The following TRPM6 variants were observed in gnomAD, a reference collection of about 807,000 sequenced individuals.
TRPM6 encodes the protein transient receptor potential cation channel subfamily M member 6.
Under a neutral mutation model 247.6 loss-of-function variants are expected in TRPM6, and 111 were observed. The ratio of observed to expected loss-of-function variants is 0.45; its 90% CI spans 0.38 to 0.52. TRPM6 has a LOEUF of 0.52. Among genes scored for constraint, TRPM6 ranks in the 20% least tolerant of loss-of-function variants. TRPM6 has a pLI of 0.00. For synonymous variants in TRPM6, 892 were observed against 853.8 expected (o/e 1.04, Z -0.78); for missense variants, 2,126 against 2,421.5 (o/e 0.88, Z 2.56).
chr9:74,887,782 C>A (rs1564068163), intron 1 of TRPM6, 42 bp downstream of exon 1: 1 of 1,614,166 alleles, frequency 6.2e-7, no homozygotes, highest in East Asian at 2.2e-5. Flanking sequence ...AGCGAATCGC[C>A]TAAGGTCCTT....
chr9:74,766,766 C>T (rs1053594255), intron 25 of TRPM6, among the ~76,000 whole-genome samples: 32 of 151,962 alleles, frequency 2.1e-4, no homozygotes, highest in African/African-American at 5.8e-4. Flanking sequence ...AAAAAATAGC[C>T]GGGCGTGGTG....
At chr9:74,848,050 G>C (rs1469228122) in intron 3 of TRPM6, among the ~76,000 whole-genome samples, 1 of 152,112 alleles carries the variant, frequency 6.6e-6, no homozygotes, top group East Asian at 1.9e-4. Context: ...TTATGGCCCT[G>C]TGGCCATAAT....
intron 1 of TRPM6, among the ~76,000 whole-genome samples, chr9:74,860,479 C>T (rs1830662120): frequency 1.3e-5 from 2 of 152,116 alleles, no homozygotes; most frequent in African/African-American, 4.8e-5. Flanking sequence ...CTGCCTCAGC[C>T]TCCTGAGTAG....
At position 74,800,413 on chromosome 9, in the gene TRPM6, C is replaced by A; in HGVS notation, c.2079G>T (p.Thr693=). 1 of 1,613,996 alleles carries A rather than the reference C, an allele frequency of 6.2e-7. No individual in the cohort carries two copies. ...AFKQNERMAM[T]LLTYELRNWS... is the part of the protein sequence containing the mutation. ...AGTTCCTGAGTTCATACGTCAACAGCGTCATGGCCATGCGCTCATTCTGCT... is the reference window on the plus strand; with the variant it reads ...AGTTCCTGAGTTCATACGTCAACAGAGTCATGGCCATGCGCTCATTCTGCT... The change falls in exon 17 of 39, where the codon ACG becomes ACT. Residue 693 remains threonine (T), a synonymous_variant. Coordinates refer to ENST00000360774, the MANE Select transcript of TRPM6 (RefSeq NM_017662.5).
chr9:74,803,322 C>G (rs1828411275), intron 15 of TRPM6, among the ~76,000 whole-genome samples: 2 of 150,756 alleles, frequency 1.3e-5, no homozygotes, highest in African/African-American at 4.9e-5. Context: ...ACACACTCAT[C>G]ATCATTGTCA....
At position 74,762,899 on chromosome 9, in the gene TRPM6, A is replaced by T; in HGVS notation, c.3772T>A (p.Cys1258Ser). 1 of 1,609,742 alleles carries T rather than the reference A, an allele frequency of 6.2e-7. No individual in the cohort carries two copies. The highest frequency in any genetic ancestry group is 8.5e-7 in the Non-Finnish European group (1 of 1,177,108). Residue 1258 changes from cysteine (C) to serine (S), a missense_variant, in exon 26 of 39, where the codon TGT (cysteine) becomes AGT (serine). This residue lies in a region of TRPM6 where 717 missense variants were observed against 715.9 expected (regional missense o/e 1.00). Transcript: ENST00000360774. ...KLPHSWSNVI[C>S]AEVLGSMEIA... The stretch of plus-strand genomic sequence containing the variant: ...TCCATGCTGCCTAGAACCTCTGCAC[A>T]GATGACATTGCTCCAGCTGTGGGGA...
chr9:74,758,610 A>C (rs1587475662), intron 27 of TRPM6, among the ~76,000 whole-genome samples: 1 of 152,318 alleles, frequency 6.6e-6, no homozygotes, highest in Admixed American at 6.5e-5. Flanking sequence ...TTCTCTGAAA[A>C]CTAAAAACAG....
rs1300257043 is a variant in TRPM6 at position 74,782,727 on chromosome 9, C to T, written c.3046G>A (p.Glu1016Lys). 3 of 1,614,030 alleles carry T rather than the reference C, an allele frequency of 1.9e-6. No individual in the cohort carries two copies. The highest frequency in any genetic ancestry group is 2.7e-5 in the African/African-American group (2 of 74,922). The change falls in exon 22 of 39, where the codon GAG becomes AAG. Residue 1016 changes from glutamate to lysine, a missense_variant. Glu to Lys is a moderately conservative substitution (Grantham distance 56). Around this residue, in one of 3 missense-constraint regions of TRPM6, gnomAD observed 1,082 missense variants for 1,307.9 expected, o/e 0.83. Coordinates refer to ENST00000360774, the MANE Select transcript of TRPM6 (RefSeq NM_017662.5). ...TCTCCGTATATCATCCAGTATGGCT[C>T]AAATACAATATCTCGAGCTAGACTC... ...SWSLARDIVF[E>K]PYWMIYGEVY... is the part of the protein sequence containing the mutation.
chr9:74,823,859 A>T (rs907311301), intron 7 of TRPM6, among the ~76,000 whole-genome samples: 4 of 152,084 alleles, frequency 2.6e-5, no homozygotes, highest in African/African-American at 9.7e-5. Flanking sequence ...CAGGGGAAAA[A>T]CTACAAAAGA....
At chr9:74,753,438 G>A (rs1275568746) in intron 28 of TRPM6, among the ~76,000 whole-genome samples, 2 of 152,170 alleles carry the variant, frequency 1.3e-5, no homozygotes, top group East Asian at 3.9e-4. Context: ...GCTCATGCCT[G>A]TAATCCTAGC....
Position 74,762,806 on chromosome 9 carries a change from C to T in TRPM6, c.3865G>A (p.Gly1289Ser). The change falls in exon 26 of 39, where the codon GGC becomes AGC. Residue 1289 changes from glycine (G) to serine (S), a missense_variant. By Grantham distance (56) the Gly-to-Ser change is moderately conservative. Coordinates refer to ENST00000360774, the MANE Select transcript of TRPM6 (RefSeq NM_017662.5). ...PSSLLRSLAG[G>S]RHPPRVQRGA... ...CTCTGCACTCTTGGGGGATGCCGGC[C>T]TCCAGCCAGGCTCCTCAGCAAAGAA... 1 of 1,614,204 alleles carries T rather than the reference C, an allele frequency of 6.2e-7. No homozygotes were observed. The highest frequency in any genetic ancestry group is 8.5e-7 in the Non-Finnish European group (1 of 1,180,040).
Position 74,740,010 on chromosome 9 carries a change from C to T in TRPM6, c.5201-1G>A. ...CTGTAGACAGTTATTTCTTCTCCTG[C>T]TGCAAAGAGAAGTGAAGGCTAGGAA... is the stretch of plus-strand genomic sequence containing the variant. On this transcript the variant is annotated splice_acceptor_variant, in intron 33 of 38. Transcript: ENST00000360774. LOFTEE classifies it high-confidence loss of function. 6.2e-7 allele frequency: 1 copy of T among 1,613,798 alleles called. No individual in the cohort carries two copies. The highest frequency in any genetic ancestry group is 8.5e-7 in the Non-Finnish European group (1 of 1,179,934).
intron 25 of TRPM6, 150 bp downstream of exon 25, chr9:74,771,551 TTG>T: frequency 1.4e-6 from 1 of 726,124 alleles, no homozygotes; most frequent in Non-Finnish European, 2.3e-6. Context: ...TAAATATACT[TTG>T]ATTACATGAA....
chr9:74,772,969 C>A (rs1028435420), intron 24 of TRPM6, among the ~76,000 whole-genome samples: 1 of 151,478 alleles, frequency 6.6e-6, no homozygotes, highest in Admixed American at 6.6e-5. Flanking sequence ...AACAAACAAA[C>A]AAAAAAAATT....
intron 27 of TRPM6, among the ~76,000 whole-genome samples, chr9:74,760,691 A>C (rs920828681): frequency 6.6e-6 from 1 of 152,218 alleles, no homozygotes; most frequent in African/African-American, 2.4e-5. Flanking sequence ...AGTATACTGA[A>C]TTGGCGAGTG....
intron 1 of TRPM6, among the ~76,000 whole-genome samples, chr9:74,879,879 G>A (rs557209006): frequency 6.6e-6 from 1 of 152,286 alleles, no homozygotes; most frequent in South Asian, 2.1e-4. Context: ...AATCCAAAGA[G>A]GAGGTCATGG....
At chr9:74,755,078 G>A (rs542779165) in intron 28 of TRPM6, among the ~76,000 whole-genome samples, 17 of 152,140 alleles carry the variant, frequency 1.1e-4, no homozygotes, top group African/African-American at 2.9e-4. Flanking sequence ...ATGCTGTCTC[G>A]ATAAAACACT....
intron 21 of TRPM6, among the ~76,000 whole-genome samples, 185 bp downstream of exon 21, chr9:74,785,689 A>G (rs1189149321): frequency 2.6e-5 from 4 of 152,084 alleles, no homozygotes; most frequent in Non-Finnish European, 1.5e-5. Context: ...TGCCCGGCTA[A>G]TTTTTTTGTA....
chr9:74,839,927 GA>G (rs1192922690), intron 5 of TRPM6, 96 bp downstream of exon 5: 3 of 439,742 alleles, frequency 6.8e-6, no homozygotes, highest in Non-Finnish European at 1.1e-5. Context: ...GGAAAGAAAA[GA>G]AAAGAAAGAG....
Sources: gnomAD v4.1 joint callset for allele counts (sites outside exome capture counted in the v4.1 genomes callset) on GRCh38, gnomAD v4.1.1 for gene constraint, gnomAD v4.1.1 regional missense constraint, MANE v1.5 for transcripts, NCBI Gene and HGNC (gene_info 2026-07-23, HGNC 2026-07-21) for gene names.